DIS3L2: variants seen among roughly 807,000 people sequenced by gnomAD.
The protein encoded by DIS3L2 is DIS3-like exonuclease 2.
A neutral mutation model predicts 97.5 loss-of-function variants in DIS3L2; 34 were observed. That is an observed-to-expected ratio of 0.35 (90% confidence interval 0.27 to 0.46). The LOEUF is 0.46. Among genes scored for constraint, DIS3L2 ranks in the 20% least tolerant of loss-of-function variants. DIS3L2 has a pLI of 1.00. For synonymous variants in DIS3L2, 435 were observed against 445.2 expected (o/e 0.98, Z 0.29); for missense variants, 1,038 against 1,146.0 (o/e 0.91, Z 1.36).
chr2:232,222,737 G>A (rs1002305698), intron 10 of DIS3L2, among the ~76,000 whole-genome samples: 3 of 152,362 alleles, frequency 2.0e-5, no homozygotes, highest in Admixed American at 1.3e-4. Flanking sequence ...AAAGTGCTGG[G>A]ATTACAGGCG....
chr2:232,282,728 C>G (rs1356703090), intron 13 of DIS3L2, among the ~76,000 whole-genome samples: 1 of 152,216 alleles, frequency 6.6e-6, no homozygotes, highest in Non-Finnish European at 1.5e-5. Flanking sequence ...TTCGCACTGG[C>G]CCCTTCTCTG....
chr2:232,220,561 G>T (rs1330086600), intron 10 of DIS3L2, among the ~76,000 whole-genome samples: 1 of 151,986 alleles, frequency 6.6e-6, no homozygotes, highest in Admixed American at 6.6e-5. Context: ...ATAAAAATTA[G>T]CTGGGTGTGG....
chr2:232,256,079 C>T (rs960900725), intron 12 of DIS3L2, among the ~76,000 whole-genome samples: 1 of 152,228 alleles, frequency 6.6e-6, no homozygotes, highest in Non-Finnish European at 1.5e-5. Context: ...TCAGAGTGAT[C>T]CTTCTGAATC....
chr2:232,299,974 T>C, intron 13 of DIS3L2, 66 bp from the exon 14 acceptor site: 1 of 1,497,488 alleles, frequency 6.7e-7, no homozygotes, highest in Non-Finnish European at 9.3e-7. Context: ...ATTTTTTTCA[T>C]TTCAGCTATT....
At chr2:232,242,959 A>G (rs968396350) in intron 11 of DIS3L2, among the ~76,000 whole-genome samples, 15 of 152,210 alleles carry the variant, frequency 9.9e-5, no homozygotes, top group African/African-American at 3.4e-4. Context: ...CGAGGGATGT[A>G]AAGATGAGAC....
At chr2:232,114,636 G>A (rs1697645742) in intron 6 of DIS3L2, among the ~76,000 whole-genome samples, 1 of 152,154 alleles carries the variant, frequency 6.6e-6, no homozygotes, top group Non-Finnish European at 1.5e-5. Flanking sequence ...AGATTGTTGA[G>A]TAAGTGGACT....
chr2:232,287,426 G>A (rs1009182634), intron 13 of DIS3L2, among the ~76,000 whole-genome samples: 23 of 110,104 alleles, frequency 2.1e-4, no homozygotes, highest in South Asian at 6.0e-4. Context: ...TAGAGACAGG[G>A]CCTCACTCTG....
chr2:232,318,500 C>T (rs1408910926), intron 14 of DIS3L2, among the ~76,000 whole-genome samples: 2 of 152,126 alleles, frequency 1.3e-5, no homozygotes, highest in East Asian at 3.9e-4. Flanking sequence ...CACAGCCCAT[C>T]GAGGAAGACA....
intron 1 of DIS3L2, among the ~76,000 whole-genome samples, chr2:232,001,473 A>G (rs72985693): frequency 0.011 from 1,704 of 151,186 alleles, 18 homozygotes; most frequent in Non-Finnish European, 0.016. Flanking sequence ...ATGGTTTGCA[A>G]ATATATTCTC....
chr2:232,026,534 CCCCATTGAGGGGGTGCCT>C (rs1694662810), intron 4 of DIS3L2, among the ~76,000 whole-genome samples: 1 of 151,826 alleles, frequency 6.6e-6, no homozygotes, highest in Admixed American at 6.6e-5. Context: ...GTGGAGGCAC[CCCCATTGAGGGGGTGCCT>C]CCGGTGGTGG....
intron 4 of DIS3L2, 56 bp downstream of exon 4, chr2:232,024,386 C>A: frequency 7.5e-7 from 1 of 1,335,680 alleles, no homozygotes; most frequent in Non-Finnish European, 1.1e-6. Flanking sequence ...TTTAGATCTG[C>A]TCCGAAACTG....
chr2:232,195,324 G>A (rs1056079359), intron 9 of DIS3L2, among the ~76,000 whole-genome samples: 4 of 152,168 alleles, frequency 2.6e-5, no homozygotes, highest in African/African-American at 9.7e-5. Flanking sequence ...CAAGACAGGG[G>A]AATTACAATA....
At chr2:232,110,131 C>T (rs1297973635) in intron 6 of DIS3L2, among the ~76,000 whole-genome samples, 2 of 152,058 alleles carry the variant, frequency 1.3e-5, no homozygotes, top group African/African-American at 4.8e-5. Context: ...TAGAGAAATA[C>T]AAATCAGAAC....
intron 8 of DIS3L2, among the ~76,000 whole-genome samples, chr2:232,144,553 C>CTTTT (rs1690161743): frequency 6.6e-6 from 1 of 151,968 alleles, no homozygotes; most frequent in Admixed American, 6.6e-5. Context: ...TCCTGTATAT[C>CTTTT]TTTTAACCTA....
intron 6 of DIS3L2, among the ~76,000 whole-genome samples, chr2:232,093,340 C>T (rs907360741): frequency 2.0e-5 from 3 of 151,898 alleles, no homozygotes; most frequent in Admixed American, 6.6e-5. Context: ...TGATATTGGC[C>T]TGTAGTTTTT....
At position 232,292,866 on chromosome 2, in the gene DIS3L2, C is replaced by T. The variant is rs997254904; in HGVS notation, c.1660-7174C>T. On this transcript the variant is annotated intron_variant, in intron 13 of 20. Transcript: ENST00000325385. This position sits in a 1 kb window ranked among gnomAD's most constrained non-coding sequence, Gnocchi z 4.4. ...TGTTGCCTCTTGGGTCCTTCACTTC[C>T]TTCCCTCTTCACTCAATACCAGGAC... is the stretch of plus-strand genomic sequence containing the variant. Among the ~76,000 whole-genome samples, 2 of 152,202 alleles carry T rather than the reference C, an allele frequency of 1.3e-5. No homozygotes were observed. The highest frequency in any genetic ancestry group is 4.8e-5 in the African/African-American group (2 of 41,468).
intron 7 of DIS3L2, among the ~76,000 whole-genome samples, chr2:232,135,240 TAA>T (rs1198581692): frequency 6.6e-6 from 1 of 151,768 alleles, no homozygotes; most frequent in African/African-American, 2.4e-5. Flanking sequence ...TTTCACAGAG[TAA>T]CCAGGAGGCC....
intron 20 of DIS3L2, chr2:232,336,200 G>A (rs1351674191): frequency 5.9e-6 from 9 of 1,533,508 alleles, no homozygotes; most frequent in East Asian, 2.5e-5. Flanking sequence ...GTCTGGAACC[G>A]TTTTCACCAA....
At chr2:232,235,872 T>C (rs566941553) in intron 10 of DIS3L2, among the ~76,000 whole-genome samples, 20 of 152,302 alleles carry the variant, frequency 1.3e-4, no homozygotes, top group Admixed American at 7.2e-4. Flanking sequence ...GCAGGGCAGG[T>C]TTCACTGCTC....
Sources: allele counts gnomAD v4.1 joint callset (sites outside exome capture counted in the v4.1 genomes callset), GRCh38; gene constraint gnomAD v4.1.1; non-coding constraint Gnocchi (gnomAD v3.1); transcripts MANE v1.5; gene names NCBI Gene and HGNC (gene_info 2026-07-23, HGNC 2026-07-21).